SRP68: variants seen among roughly 807,000 people sequenced by gnomAD.
SRP68 encodes the protein signal recognition particle subunit SRP68.
In SRP68, 15 loss-of-function variants were observed where a neutral mutation model predicts 82.2. That is an observed-to-expected ratio of 0.18 (90% CI 0.12 to 0.28). The LOEUF (loss-of-function observed/expected upper bound fraction) is 0.28, where lower values mean the gene tolerates loss of function less well. Among genes scored for constraint, SRP68 ranks in the 10% least tolerant of loss-of-function variants. The pLI, the probability that SRP68 is intolerant of heterozygous loss-of-function variation, is 1.00. For synonymous variants in SRP68, 261 were observed against 292.6 expected (o/e 0.89, Z 1.10); for missense variants, 595 against 780.5 (o/e 0.76, Z 2.83).
In SRP68 at chr17:76,046,079, G is replaced by A. The variant is rs200440391; in HGVS notation, c.1258C>T (p.Arg420Trp). The change falls in exon 11 of 16, where the codon CGG (arginine) becomes TGG (tryptophan). Residue 420 changes from arginine to tryptophan, a missense_variant. Physicochemically the swap from Arg to Trp is moderately radical, Grantham distance 101. Transcript: ENST00000307877. ...QPEDDSKRSP[R>W]PQDLIRLYDI... The stretch of plus-strand genomic sequence containing the variant: ...TAGAGTCGGATCAGGTCCTGGGGCC[G>A]GGGTGAGCGCTTGCTGTCATCCTCT... The A allele has an allele frequency of 9.3e-6, 15 of 1,613,954 alleles. No homozygotes were observed. In the East Asian group the frequency reaches 1.3e-4, roughly 14 times the overall value.
Position 76,039,573 on chromosome 17 carries a change from T to G in SRP68, c.*133A>C, listed in dbSNP as rs1038422784. ...CGTGTACAGACACAAGATGTAGGAA[T>G]GCAGGGCCGAAGATGTTAAACTCTT... is the stretch of plus-strand genomic sequence containing the variant. On this transcript the variant is annotated 3_prime_UTR_variant, in exon 16 of 16. Coordinates refer to ENST00000307877, the MANE Select transcript of SRP68 (RefSeq NM_014230.4). The G allele has an allele frequency of 3.6e-6, 3 of 827,528 alleles. No homozygotes were observed. In the African/African-American group the frequency reaches 5.1e-5, roughly 14 times the overall value. The allele number at this position is 827,528 out of a possible 1,614,324, so 51.3% of individuals were successfully genotyped here.
intron 15 of SRP68, 149 bp downstream of exon 15, chr17:76,040,270 T>G (rs2066579238): frequency 2.6e-6 from 2 of 774,306 alleles, no homozygotes; most frequent in Non-Finnish European, 4.4e-6. Context: ...GGAAGCTTTA[T>G]GCAAGAAGCT....
chr17:76,041,371 G>C (rs987139998), intron 13 of SRP68: 1 of 157,514 alleles, frequency 6.3e-6, no homozygotes, highest in Non-Finnish European at 1.4e-5. Flanking sequence ...CCAGCCATGC[G>C]CCCAAGTGGC....
At chr17:76,043,570 T>C (rs911098003) in intron 13 of SRP68, 1 of 249,328 alleles carries the variant, frequency 4.0e-6, no homozygotes. Flanking sequence ...GTACTTCAGG[T>C]TTTCCTGTGG....
At chr17:76,066,774 C>G (rs2066810446) in intron 3 of SRP68, among the ~76,000 whole-genome samples, 1 of 151,350 alleles carries the variant, frequency 6.6e-6, no homozygotes, top group African/African-American at 2.4e-5. Flanking sequence ...GTTGCCCAGG[C>G]TGAAGTGCAA....
At chr17:76,050,212 C>T (rs1281431943) in intron 9 of SRP68, among the ~76,000 whole-genome samples, 1 of 152,176 alleles carries the variant, frequency 6.6e-6, no homozygotes, top group African/African-American at 2.4e-5. Flanking sequence ...TATAGGAAAC[C>T]ATTAGGAGGA....
intron 7 of SRP68, 119 bp from the exon 8 acceptor site, chr17:76,057,662 G>A: frequency 5.3e-6 from 6 of 1,132,106 alleles, no homozygotes; most frequent in Non-Finnish European, 7.6e-6. Context: ...TCCATAGAAA[G>A]TAGAGTATAC....
At chr17:76,064,279 T>C (rs1369313790) in intron 3 of SRP68, 108 bp from the exon 4 acceptor site, 3 of 937,094 alleles carry the variant, frequency 3.2e-6, no homozygotes, top group African/African-American at 1.7e-5. Flanking sequence ...TCTCCCGCCT[T>C]TGCCACTCTC....
At position 76,054,241 on chromosome 17, in the gene SRP68, G is replaced by A. The variant is rs186993692; in HGVS notation, c.978+3162C>T. 5.3e-5 allele frequency among the ~76,000 whole-genome samples: 8 copies of A among 152,252 alleles called. No homozygotes were observed. The East Asian group carries it at 1.4e-3, about 26-fold the overall frequency. ...GTGTGTCCTGAGGTACAGACCTCCCGCTTTAAAAAGCACATTCTCAGATTG... is the reference window on the plus strand; with the variant it reads ...GTGTGTCCTGAGGTACAGACCTCCCACTTTAAAAAGCACATTCTCAGATTG... On this transcript the variant is annotated intron_variant, in intron 8 of 15. Coordinates refer to ENST00000307877, the MANE Select transcript of SRP68 (RefSeq NM_014230.4).
chr17:76,056,205 C>T (rs983674137), intron 8 of SRP68, among the ~76,000 whole-genome samples: 4 of 152,168 alleles, frequency 2.6e-5, no homozygotes, highest in African/African-American at 9.7e-5. Flanking sequence ...CCTCATTTAA[C>T]TTGCCCCTAT....
chr17:76,045,231 G>A (rs2066620763), intron 12 of SRP68, 61 bp downstream of exon 12: 3 of 1,323,726 alleles, frequency 2.3e-6, no homozygotes, highest in Non-Finnish European at 3.3e-6. Flanking sequence ...GCTGGGTCAT[G>A]CTCCCAATGC....
chr17:76,068,265 C>G (rs1036573799), intron 2 of SRP68, among the ~76,000 whole-genome samples: 5 of 151,528 alleles, frequency 3.3e-5, no homozygotes, highest in Middle Eastern at 3.2e-3. Flanking sequence ...GCACTTCAGC[C>G]TGGGCAACAA....
intron 3 of SRP68, among the ~76,000 whole-genome samples, chr17:76,065,059 T>C (rs961307080): frequency 2.0e-5 from 3 of 152,088 alleles, no homozygotes; most frequent in Admixed American, 1.3e-4. Flanking sequence ...TTAACTACTT[T>C]ATTATTATAC....
Position 76,072,129 on chromosome 17 carries a change from A to C in SRP68, c.184+179T>G. ...CAGGACGGCGAGGGGGACACGAGGA[A>C]AGACTAGTCGAGAGACAGACCCCCC... On this transcript the variant is annotated intron_variant, in intron 1 of 15. Transcript: ENST00000307877. This position sits in a 1 kb window ranked among gnomAD's most constrained non-coding sequence, Gnocchi z 4.5. The C allele has an allele frequency of 1.2e-4, 136 of 1,164,834 alleles. No individual in the cohort carries two copies. Among genetic ancestry groups the C allele is most frequent in the East Asian group, 2.6e-4 (10 of 38,584 alleles). 72.2% of individuals were successfully genotyped at this position (1,164,834 alleles called of 1,614,324 possible).
intron 9 of SRP68, chr17:76,048,179 C>A: frequency 3.6e-6 from 1 of 279,122 alleles, no homozygotes; most frequent in Non-Finnish European, 7.0e-6. Context: ...AAATTGACCT[C>A]AAATAAGAGA....
At chr17:76,045,496 G>C (rs1220948701) in intron 11 of SRP68, 110 bp from the exon 12 acceptor site, 1 of 772,076 alleles carries the variant, frequency 1.3e-6, no homozygotes, top group Non-Finnish European at 2.1e-6. Flanking sequence ...AAAGCCCGAG[G>C]TCAATACGAT....
intron 15 of SRP68, among the ~76,000 whole-genome samples, chr17:76,040,163 T>TG: frequency 6.6e-6 from 1 of 152,298 alleles, no homozygotes; most frequent in East Asian, 1.9e-4. Flanking sequence ...GGTGCAGGCC[T>TG]GTTGGCCATG....
In SRP68 at chr17:76,072,432, A is replaced by ACCG. The variant is rs1598273773; in HGVS notation, c.57_59dup (p.Gly21dup). Reference sequence around the variant, plus strand: ...CGCCGCTACCGCCGCCGCCACTGCCACCGCCGCCGCCACTGCCGCCGCCGC... The same window carrying ACCG: ...CGCCGCTACCGCCGCCGCCACTGCCACCGCCGCCGCCGCCACTGCCGCCGCCGC... On this transcript the variant is annotated inframe_insertion, in exon 1 of 16. Coordinates refer to ENST00000307877, the MANE Select transcript of SRP68 (RefSeq NM_014230.4). The surrounding 1 kb of genome is among the most constrained non-coding windows in gnomAD (Gnocchi z 4.5). 3 of 1,585,464 alleles carry ACCG rather than the reference A, an allele frequency of 1.9e-6. No homozygotes were observed. The highest frequency in any genetic ancestry group is 1.1e-5 in the South Asian group (1 of 90,408).
chr17:76,070,407 A>G lies in SRP68; in HGVS notation c.222T>C (p.Gly74=). Residue 74 remains glycine (G), a synonymous_variant, in exon 2 of 16, where the codon GGT becomes GGC. Transcript: ENST00000307877. ...QIIKESQQQH[G]LRHGDFQRYR... is the part of the protein sequence containing the mutation. ...ACCTCTGAAAATCTCCATGCCGTAA[A>G]CCATGCTGCTGCTGGGATTCCTTAA... The G allele has an allele frequency of 6.2e-7, 1 of 1,614,140 alleles. No homozygotes were observed.
Sources: gnomAD v4.1 joint callset for allele counts (sites outside exome capture counted in the v4.1 genomes callset) on GRCh38, gnomAD v4.1.1 for gene constraint, Gnocchi (gnomAD v3.1) non-coding constraint, MANE v1.5 for transcripts, NCBI Gene and HGNC (gene_info 2026-07-23, HGNC 2026-07-21) for gene names.